Variants in DCAF6 observed in about 807,000 individuals in gnomAD.
The protein encoded by DCAF6 is DDB1 and CUL4 associated factor 6.
In DCAF6, 54 loss-of-function variants were observed where a neutral mutation model predicts 125.1. That is an observed-to-expected ratio of 0.43 (90% CI 0.35 to 0.54). The LOEUF (loss-of-function observed/expected upper bound fraction) is 0.54. DCAF6 is among the 20% of genes least tolerant of loss of function. DCAF6 has a pLI of 0.01. For missense variants in DCAF6, 934 were observed against 1,161.7 expected, an observed-to-expected ratio of 0.80 and a Z score of 2.85; for synonymous variants, 371 against 390.4, an observed-to-expected ratio of 0.95 and a Z score of 0.58.
At chr1:167,939,940 T>G (rs560578219) in intron 1 of DCAF6, among the ~76,000 whole-genome samples, 1 of 152,316 alleles carries the variant, frequency 6.6e-6, no homozygotes, top group Non-Finnish European at 1.5e-5. Context: ...TTCTGATACA[T>G]TTTCATTATT....
intron 14 of DCAF6, among the ~76,000 whole-genome samples, chr1:168,043,708 G>GT (rs917722121): frequency 6.6e-6 from 1 of 152,134 alleles, no homozygotes; most frequent in African/African-American, 2.4e-5. Context: ...TCTTATAAAT[G>GT]TGTAGGTACC....
chr1:167,874,780 A>AT, the DCAF6 span, among the ~76,000 whole-genome samples: 1 of 152,248 alleles, frequency 6.6e-6, no homozygotes, highest in African/African-American at 2.4e-5. Context: ...ACTACATAGT[A>AT]ATGACATAGA....
intron 5 of DCAF6, among the ~76,000 whole-genome samples, chr1:167,988,366 A>G (rs953492901): frequency 4.0e-5 from 6 of 151,884 alleles, no homozygotes; most frequent in Admixed American, 3.3e-4. Context: ...GTCTTGCCAT[A>G]TTGCCTAGGC....
the DCAF6 span, among the ~76,000 whole-genome samples, chr1:167,929,744 C>G: frequency 6.6e-6 from 1 of 152,152 alleles, no homozygotes; most frequent in Non-Finnish European, 1.5e-5. Flanking sequence ...CTTTTTGGAA[C>G]AGAATAGGTA....
At chr1:167,891,257 G>T in the DCAF6 span, among the ~76,000 whole-genome samples, 7 of 151,984 alleles carry the variant, frequency 4.6e-5, no homozygotes, top group African/African-American at 1.7e-4. Context: ...ATCACGCTTG[G>T]CTCATCTAAC....
At chr1:167,878,455 G>A in the DCAF6 span, 11 of 1,613,874 alleles carry the variant, frequency 6.8e-6, no homozygotes, top group Non-Finnish European at 7.6e-6. Context: ...CACTTTCTCA[G>A]TACGGCCCCA....
intron 10 of DCAF6, among the ~76,000 whole-genome samples, chr1:168,012,624 G>A (rs1684455931): frequency 6.6e-6 from 1 of 152,154 alleles, no homozygotes; most frequent in Non-Finnish European, 1.5e-5. Context: ...CAAGCTGCTA[G>A]CAGAACTGTT....
intron 3 of DCAF6, among the ~76,000 whole-genome samples, chr1:167,967,878 G>C (rs1308165383): frequency 6.6e-6 from 1 of 151,798 alleles, no homozygotes; most frequent in African/African-American, 2.4e-5. Context: ...TTACAGGTGT[G>C]TGCCACCATG....
intron 12 of DCAF6, among the ~76,000 whole-genome samples, chr1:168,029,315 A>G (rs1686751310): frequency 6.6e-6 from 1 of 152,254 alleles, no homozygotes; most frequent in African/African-American, 2.4e-5. Context: ...TTTACTAATG[A>G]AGAAACTGAG....
At chr1:168,012,021 A>G (rs1305097239) in intron 10 of DCAF6, among the ~76,000 whole-genome samples, 1 of 152,134 alleles carries the variant, frequency 6.6e-6, no homozygotes, top group Non-Finnish European at 1.5e-5. Context: ...TATTAGGTCA[A>G]TGGCCATTTT....
chr1:167,895,020 A>G, the DCAF6 span, among the ~76,000 whole-genome samples: 1 of 152,064 alleles, frequency 6.6e-6, no homozygotes, highest in Non-Finnish European at 1.5e-5. Flanking sequence ...TGTCTCTACT[A>G]AAAATACAAA....
chr1:168,039,357 G>A (rs953463055), intron 13 of DCAF6, among the ~76,000 whole-genome samples: 1 of 151,262 alleles, frequency 6.6e-6, no homozygotes, highest in Non-Finnish European at 1.5e-5. Context: ...TATTAGTAAG[G>A]TTGAACTTTT....
intron 3 of DCAF6, among the ~76,000 whole-genome samples, chr1:167,971,633 A>G (rs1245706714): frequency 6.6e-6 from 1 of 152,214 alleles, no homozygotes; most frequent in East Asian, 1.9e-4. Context: ...GTCAAAATAA[A>G]CTGGTAATCA....
the DCAF6 span, among the ~76,000 whole-genome samples, chr1:167,918,713 C>T: frequency 6.6e-6 from 1 of 151,458 alleles, no homozygotes; most frequent in Non-Finnish European, 1.5e-5. Context: ...CCTGCCTCAG[C>T]CCCCCGAGTA....
the DCAF6 span, chr1:167,880,207 C>T: frequency 6.2e-7 from 1 of 1,604,336 alleles, no homozygotes; most frequent in Non-Finnish European, 8.5e-7. Flanking sequence ...GCAGGGGAGA[C>T]AAGATTTGTG....
chr1:168,046,404 A>G (rs1029766656), intron 16 of DCAF6, among the ~76,000 whole-genome samples: 2 of 152,186 alleles, frequency 1.3e-5, no homozygotes, highest in Non-Finnish European at 2.9e-5. Flanking sequence ...GAAGACAGGC[A>G]AAAATCCTGA....
chr1:168,038,183 A>G (rs1558012341), intron 12 of DCAF6, among the ~76,000 whole-genome samples, 188 bp from the exon 13 acceptor site: 1 of 152,242 alleles, frequency 6.6e-6, no homozygotes, highest in Non-Finnish European at 1.5e-5. Context: ...AACTTGATGT[A>G]GTGCTACTTT....
At chr1:167,954,205 C>T (rs1416212579) in intron 2 of DCAF6, among the ~76,000 whole-genome samples, 3 of 151,818 alleles carry the variant, frequency 2.0e-5, no homozygotes, top group Admixed American at 6.6e-5. Flanking sequence ...GGGGTTTCGC[C>T]GTGTTGGCTA....
intron 1 of DCAF6, among the ~76,000 whole-genome samples, chr1:167,947,881 T>G (rs1673312291): frequency 6.6e-6 from 1 of 152,208 alleles, no homozygotes; most frequent in Non-Finnish European, 1.5e-5. Flanking sequence ...GTCTGTTAAG[T>G]TCATTTGGTC....
Sources: allele counts gnomAD v4.1 joint callset (sites outside exome capture counted in the v4.1 genomes callset), GRCh38; gene constraint gnomAD v4.1.1; transcripts MANE v1.5; gene names NCBI Gene and HGNC (gene_info 2026-07-23, HGNC 2026-07-21).